Variants in YTHDF1 observed in about 807,000 individuals in gnomAD.
YTHDF1 encodes YTH domain-containing family protein 1.
In YTHDF1, 16 loss-of-function variants were observed where a neutral mutation model predicts 49.1. That is an observed-to-expected ratio of 0.33 (90% CI 0.22 to 0.49). YTHDF1 has a LOEUF of 0.49. Ranked by LOEUF, YTHDF1 falls within the 20% of genes least tolerant of loss-of-function variation. The probability of loss-of-function intolerance (pLI) is 0.99; values close to 1 mark genes in which losing one functional copy is unlikely to be tolerated. For synonymous variants in YTHDF1, 313 were observed against 290.1 expected, an observed-to-expected ratio of 1.08 and a Z score of -0.80; for missense variants, 621 against 744.3, an observed-to-expected ratio of 0.83 and a Z score of 1.93.
rs2066522449 is a variant in YTHDF1, at chr20:63,202,540, T to C, written c.1400A>G (p.Gln467Arg). ...DYGTSAGVWS[Q>R]DKWKGKFDVQ... ...ATCAAACTTCCCCTTCCACTTGTCC[T>C]GAGACCAGACCCCGGCACTGGTGCC... The change falls in exon 4 of 5, where the codon CAG (glutamine) becomes CGG (arginine). Residue 467 changes from glutamine (Q) to arginine (R), a missense_variant. Around this residue, in one of 2 missense-constraint regions of YTHDF1, gnomAD observed 151 missense variants for 248.5 expected, o/e 0.61. Transcript: ENST00000370339. 1 of 1,614,246 alleles carries C rather than the reference T, an allele frequency of 6.2e-7. No homozygotes were observed. The highest frequency in any genetic ancestry group is 8.5e-7 in the Non-Finnish European group (1 of 1,180,050).
chr20:63,196,619 C>G lies in YTHDF1; in HGVS notation c.*89G>C. 6.6e-7 allele frequency: 1 copy of G among 1,517,004 alleles called. No individual in the cohort carries two copies. Among genetic ancestry groups the G allele is most frequent in the Non-Finnish European group, 9.0e-7 (1 of 1,105,552 alleles). The allele number at this position is 1,517,004 out of a possible 1,614,324, so 94.0% of individuals were successfully genotyped here. A position where few individuals can be genotyped will look rare whatever the true frequency, so the allele number is the denominator to read the frequency against. On this transcript the variant is annotated 3_prime_UTR_variant, in exon 5 of 5. Transcript: ENST00000370339. Reference sequence around the variant, plus strand: ...AAAGATGCAACACTCAACCCCCGCACGGGACGACACACTGGAGCTGACCAA... The same window carrying G: ...AAAGATGCAACACTCAACCCCCGCAGGGGACGACACACTGGAGCTGACCAA...
intron 3 of YTHDF1, among the ~76,000 whole-genome samples, chr20:63,209,861 C>T (rs1269657745): frequency 1.3e-5 from 2 of 152,262 alleles, no homozygotes; most frequent in Non-Finnish European, 2.9e-5. Flanking sequence ...CTGTCATCTC[C>T]TGTCACACCA....
At chr20:63,215,131 GTT>G (rs1189069601) in intron 2 of YTHDF1, among the ~76,000 whole-genome samples, 1 of 152,126 alleles carries the variant, frequency 6.6e-6, no homozygotes, top group African/African-American at 2.4e-5. Flanking sequence ...CGCTCTGAGG[GTT>G]TATCCCAAGC....
In YTHDF1 at chr20:63,203,355, G is replaced by C; in HGVS notation, c.585C>G (p.Val195=). 1 of 1,613,098 alleles carries C rather than the reference G, an allele frequency of 6.2e-7. No homozygotes were observed. Among genetic ancestry groups the C allele is most frequent in the African/African-American group, 1.3e-5 (1 of 75,018 alleles). ...QGMVGLKIGD[V]SSSAVKTVGS... ...CCACCGTCTTGACGGCGGAGGAGCT[G>C]ACGTCCCCAATCTTCAGGCCAACCA... Residue 195 remains valine (V), a synonymous_variant, in exon 4 of 5, where the codon GTC becomes GTG. Transcript: ENST00000370339. The surrounding 1 kb of genome is among the most constrained non-coding windows in gnomAD (Gnocchi z 4.4).
At chr20:63,196,803 T>C (rs1404234176) in intron 4 of YTHDF1, 69 bp from the exon 5 acceptor site, 5 of 1,598,000 alleles carry the variant, frequency 3.1e-6, no homozygotes, top group Non-Finnish European at 4.3e-6. Flanking sequence ...AAAAGTGAGA[T>C]CCGAGGCTGC....
At position 63,203,130 on chromosome 20, in the gene YTHDF1, G is replaced by A. The variant is rs1191160162; in HGVS notation, c.810C>T (p.Asp270=). Residue 270 remains aspartate, a synonymous_variant, in exon 4 of 5, where the codon GAC becomes GAT. Transcript: ENST00000370339. The surrounding 1 kb of genome is among the most constrained non-coding windows in gnomAD (Gnocchi z 4.4). ...GCCCCTTGTTATCCCAGGTGCCAAT[G>A]TCCATGTTATGCTTTATGGGTGGAG... ...LPPPPIKHNM[D]IGTWDNKGPV... 11 of 1,613,226 alleles carry A rather than the reference G, an allele frequency of 6.8e-6. No individual in the cohort carries two copies. The highest frequency in any genetic ancestry group is 9.3e-6 in the Non-Finnish European group (11 of 1,179,630).
At chr20:63,200,343 G>A (rs984982818) in intron 4 of YTHDF1, among the ~76,000 whole-genome samples, 6 of 151,612 alleles carry the variant, frequency 4.0e-5, no homozygotes, top group Admixed American at 1.3e-4. Flanking sequence ...CCTGGCTGAC[G>A]GTGAGATTGG....
chr20:63,210,950 T>C (rs1420280430), intron 3 of YTHDF1, among the ~76,000 whole-genome samples: 1 of 152,016 alleles, frequency 6.6e-6, no homozygotes, highest in African/African-American at 2.4e-5. Context: ...GGACTGAAAC[T>C]CTAGCACCAG....
In YTHDF1 at chr20:63,203,783, C is replaced by T. The variant is rs755737262; in HGVS notation, c.157G>A (p.Asp53Asn). The T allele has an allele frequency of 3.1e-6, 5 of 1,607,320 alleles. 1 individual carries two copies. The highest frequency in any genetic ancestry group is 2.2e-5 in the East Asian group (1 of 44,666). Reference protein sequence around the residue: ...NQSNSYPSMSDPYLSSYYPPS... With the variant: ...NQSNSYPSMSNPYLSSYYPPS... ...GGGTAATAGCTGGACAGGTAGGGGT[C>T]GCTCATTGAGGGGTAACTGTTACTC... The change falls in exon 4 of 5, where the codon GAC becomes AAC. Residue 53 changes from aspartate (D) to asparagine (N), a missense_variant. Physicochemically the swap from Asp to Asn is conservative, Grantham distance 23 (BLOSUM62 1). Transcript: ENST00000370339. The surrounding 1 kb of genome is among the most constrained non-coding windows in gnomAD (Gnocchi z 4.4).
chr20:63,202,290 G>A lies in YTHDF1; in HGVS notation c.1650C>T (p.Arg550=). The change falls in exon 4 of 5, where the codon CGC becomes CGT. Residue 550 remains arginine, a synonymous_variant. Coordinates refer to ENST00000370339, the MANE Select transcript of YTHDF1 (RefSeq NM_017798.4). The part of the protein sequence containing the change: ...EKRQEEEEVV[R]KERQSRNKQ Reference sequence around the variant, plus strand: ...TGCCTGCAACACCCAGCCTCACCTTGCGCACCACCTCCTCCTCCTCCTGGC... The same window carrying A: ...TGCCTGCAACACCCAGCCTCACCTTACGCACCACCTCCTCCTCCTCCTGGC... 6.2e-7 allele frequency: 1 copy of A among 1,611,444 alleles called. No individual in the cohort carries two copies. Among genetic ancestry groups the A allele is most frequent in the Non-Finnish European group, 8.5e-7 (1 of 1,178,194 alleles).
chr20:63,209,458 T>C (rs1424093894), intron 3 of YTHDF1, among the ~76,000 whole-genome samples: 2 of 152,242 alleles, frequency 1.3e-5, no homozygotes, highest in African/African-American at 4.8e-5. Flanking sequence ...TTTTTAACTT[T>C]TTGAACTTTT....
chr20:63,199,871 C>A lies in YTHDF1; in HGVS notation c.1653+2416G>T, dbSNP rs985460947. ...CCCAGGAGTTCAAGACCAGCCTGGG[C>A]AACATAGCAAGACACTGATTCTACA... On this transcript the variant is annotated intron_variant, in intron 4 of 4. Coordinates refer to ENST00000370339, the MANE Select transcript of YTHDF1 (RefSeq NM_017798.4). Among the ~76,000 whole-genome samples the A allele has an allele frequency of 1.1e-4, 16 of 152,016 alleles. 1 individual carries two copies. Among genetic ancestry groups the A allele is most frequent in the South Asian group, 2.1e-4 (1 of 4,828 alleles).
chr20:63,207,527 C>T (rs2066553142), intron 3 of YTHDF1, among the ~76,000 whole-genome samples: 1 of 147,672 alleles, frequency 6.8e-6, no homozygotes, highest in African/African-American at 2.5e-5. Flanking sequence ...ACATTACTAC[C>T]TCTGAGCAAG....
rs369793956 is a variant in YTHDF1, at chr20:63,203,664, G to A, written c.276C>T (p.Leu92=). Residue 92 remains leucine, a synonymous_variant, in exon 4 of 5, where the codon CTC becomes CTT. Coordinates refer to ENST00000370339, the MANE Select transcript of YTHDF1 (RefSeq NM_017798.4). This position sits in a 1 kb window ranked among gnomAD's most constrained non-coding sequence, Gnocchi z 4.4. ...PIPYLTTYGQ[L]SNGDHHFMHD... is the part of the protein sequence containing the mutation. ...GCATAAAATGATGGTCTCCGTTACT[G>A]AGCTGTCCGTAGGTGGTGAGGTATG... 21 of 1,614,042 alleles carry A rather than the reference G, an allele frequency of 1.3e-5. No individual in the cohort carries two copies. The African/African-American group carries it at 1.9e-4, about 14-fold the overall frequency.
chr20:63,200,257 A>C (rs189277394), intron 4 of YTHDF1, among the ~76,000 whole-genome samples: 1 of 152,052 alleles, frequency 6.6e-6, no homozygotes, highest in East Asian at 1.9e-4. Context: ...GCTACTTGGG[A>C]GGCTGAGGCA....
rs149547558 is a variant in YTHDF1, at chr20:63,197,176, A to G, written c.1654-442T>C. On this transcript the variant is annotated intron_variant, in intron 4 of 4. Coordinates refer to ENST00000370339, the MANE Select transcript of YTHDF1 (RefSeq NM_017798.4). ...TTCTTCTGTATTTTATCTCATTTAA[A>G]CTTCTCAGTGGCACAAAGGACACCA... Among the ~76,000 whole-genome samples, 307 of 152,222 alleles carry G rather than the reference A, an allele frequency of 2.0e-3. 1 individual carries two copies. The highest frequency in any genetic ancestry group is 6.9e-3 in the African/African-American group (286 of 41,516).
chr20:63,207,614 C>G (rs2066553550), intron 3 of YTHDF1, among the ~76,000 whole-genome samples: 1 of 152,222 alleles, frequency 6.6e-6, no homozygotes, highest in Non-Finnish European at 1.5e-5. Context: ...GATCCTGTTA[C>G]TCTGCAGCCG....
Position 63,203,234 on chromosome 20 carries a change from C to T in YTHDF1, c.706G>A (p.Ala236Thr). Reference sequence around the variant, plus strand: ...GGTTTTGCAGGCTTGCTGGCAATGGCAGCCCACGAGGTCGGCTTTGAAACT... The same window carrying T: ...GGTTTTGCAGGCTTGCTGGCAATGGTAGCCCACGAGGTCGGCTTTGAAACT... Reference protein sequence around the residue: ...MPVSKPTSWAAIASKPAKPQP... With the variant: ...MPVSKPTSWATIASKPAKPQP... The change falls in exon 4 of 5, where the codon GCC (alanine) becomes ACC (threonine). Residue 236 changes from alanine (A) to threonine (T), a missense_variant. Coordinates refer to ENST00000370339, the MANE Select transcript of YTHDF1 (RefSeq NM_017798.4). This position sits in a 1 kb window ranked among gnomAD's most constrained non-coding sequence, Gnocchi z 4.4. 6.2e-7 allele frequency: 1 copy of T among 1,613,968 alleles called. No homozygotes were observed. Among genetic ancestry groups the T allele is most frequent in the Non-Finnish European group, 8.5e-7 (1 of 1,180,044 alleles).
At chr20:63,216,113 TGGCGGCGGCGGCGGCGACAGCAGC>T (rs893824835) in exon 1 of YTHDF1, 9 of 176,930 alleles carry the variant, frequency 5.1e-5, no homozygotes, top group Non-Finnish European at 9.8e-5. Flanking sequence ...TCGACTCCAA[TGGCGGCGGCGGCGGCGACAGCAGC>T]GGCGACGGCG....
Sources: gnomAD v4.1 joint callset for allele counts (sites outside exome capture counted in the v4.1 genomes callset) on GRCh38, gnomAD v4.1.1 for gene constraint, gnomAD v4.1.1 regional missense constraint, Gnocchi (gnomAD v3.1) non-coding constraint, MANE v1.5 for transcripts, NCBI Gene and HGNC (gene_info 2026-07-23, HGNC 2026-07-21) for gene names.